Variants in ROBO1 observed in about 807,000 individuals in gnomAD.
ROBO1 encodes roundabout homolog 1.
ROBO1 carries 149 observed loss-of-function variants against 195.9 expected under a neutral mutation model. The ratio of observed to expected loss-of-function variants is 0.76; its 90% CI spans 0.67 to 0.87. The LOEUF is 0.87. Ranked by LOEUF, ROBO1 falls within the 40% of genes least tolerant of loss-of-function variation. The probability of loss-of-function intolerance (pLI) is 0.00; values close to 1 mark genes in which losing one functional copy is unlikely to be tolerated. For missense variants in ROBO1, 1,933 were observed against 2,068.3 expected (o/e 0.93, Z 1.27); for synonymous variants, 816 against 733.2 (o/e 1.11, Z -1.82).
chr3:78,617,578 C>A, intron 27 of ROBO1, 57 bp downstream of exon 27: 2 of 1,500,114 alleles, frequency 1.3e-6, no homozygotes, highest in Non-Finnish European at 1.8e-6. Flanking sequence ...GAATCAGCAA[C>A]AAACATATAT....
At chr3:79,002,230 G>T (rs973463555) in intron 3 of ROBO1, among the ~76,000 whole-genome samples, 2 of 152,092 alleles carry the variant, frequency 1.3e-5, no homozygotes, top group African/African-American at 2.4e-5. Context: ...TATGAAGGGG[G>T]ATATGTCACA....
At chr3:78,937,264 A>G (rs2039864018) in intron 4 of ROBO1, among the ~76,000 whole-genome samples, 1 of 151,954 alleles carries the variant, frequency 6.6e-6, no homozygotes, top group African/African-American at 2.4e-5. Context: ...TTATAATTTT[A>G]TAATTATATC....
At chr3:78,884,703 GGAAA>G (rs1403801610) in intron 4 of ROBO1, among the ~76,000 whole-genome samples, 32 of 112,076 alleles carry the variant, frequency 2.9e-4, no homozygotes, top group Admixed American at 6.9e-4. Flanking sequence ...AAGGAAGGAA[GGAAA>G]GAAAGAAGGA....
chr3:79,540,341 TA>T (rs747342919), intron 2 of ROBO1, among the ~76,000 whole-genome samples: 33 of 152,110 alleles, frequency 2.2e-4, no homozygotes, highest in Non-Finnish European at 3.5e-4. Context: ...GTTCAGTTGA[TA>T]AAATCCCCTG....
intron 2 of ROBO1, among the ~76,000 whole-genome samples, chr3:79,274,561 A>T (rs2030860414): frequency 6.6e-6 from 1 of 152,026 alleles, no homozygotes; most frequent in African/African-American, 2.4e-5. Context: ...AGAAACTTCA[A>T]ATAAACCATC....
rs186598538 is a variant in ROBO1, at chr3:79,668,676, A to G, written c.-50-78715T>C. 5.7e-4 allele frequency among the ~76,000 whole-genome samples: 87 copies of G among 151,952 alleles called. 2 individuals are homozygous for G. In the South Asian group the frequency reaches 0.017, roughly 30 times the overall value. ...AAATCTAAGCAATTTACACACACAC[A>G]CACGCATTATACATGTATATATAGA... is the stretch of plus-strand genomic sequence containing the variant. On this transcript the variant is annotated intron_variant, in intron 1 of 30. Coordinates refer to ENST00000464233, the MANE Select transcript of ROBO1 (RefSeq NM_002941.4).
At chr3:79,620,597 C>CT (rs1944975987) in intron 1 of ROBO1, among the ~76,000 whole-genome samples, 1 of 152,068 alleles carries the variant, frequency 6.6e-6, no homozygotes, top group South Asian at 2.1e-4. Context: ...AAATTATCTG[C>CT]TTCCCAGACT....
intron 2 of ROBO1, among the ~76,000 whole-genome samples, chr3:79,460,114 T>A (rs2039756736): frequency 6.6e-6 from 1 of 152,144 alleles, no homozygotes; most frequent in Non-Finnish European, 1.5e-5. Context: ...TCTTACCTCA[T>A]AAAACAATAT....
chr3:79,125,016 C>T (rs993146821), intron 3 of ROBO1, among the ~76,000 whole-genome samples: 3 of 151,748 alleles, frequency 2.0e-5, no homozygotes, highest in African/African-American at 4.8e-5. Flanking sequence ...TGAATTACAT[C>T]GCTCTAAGAG....
chr3:78,707,696 A>C (rs1278851656), intron 8 of ROBO1, among the ~76,000 whole-genome samples: 1 of 152,176 alleles, frequency 6.6e-6, no homozygotes. Context: ...TGGTTTGGCA[A>C]TGTTTAGCAC....
chr3:79,555,092 A>G (rs1299142235), intron 2 of ROBO1, among the ~76,000 whole-genome samples: 1 of 152,086 alleles, frequency 6.6e-6, no homozygotes, highest in Non-Finnish European at 1.5e-5. Context: ...GTCTCCAAAG[A>G]CTTTTAGTCA....
intron 5 of ROBO1, among the ~76,000 whole-genome samples, chr3:78,744,664 C>T (rs931184934): frequency 2.6e-5 from 4 of 152,078 alleles, no homozygotes; most frequent in African/African-American, 7.2e-5. Context: ...GCCTAGAATA[C>T]CCTTTTTCCA....
intron 27 of ROBO1, among the ~76,000 whole-genome samples, chr3:78,616,847 T>C (rs1200786947): frequency 6.6e-6 from 1 of 152,168 alleles, no homozygotes; most frequent in Non-Finnish European, 1.5e-5. Context: ...TTTTCTTTCT[T>C]GAACTATTTA....
At chr3:79,358,327 G>A (rs929890235) in intron 2 of ROBO1, among the ~76,000 whole-genome samples, 3 of 152,064 alleles carry the variant, frequency 2.0e-5, no homozygotes, top group East Asian at 1.9e-4. Flanking sequence ...TCAGGTTTAA[G>A]TGTTAAGTCA....
At chr3:78,644,230 C>A (rs1236934349) in intron 21 of ROBO1, among the ~76,000 whole-genome samples, 1 of 151,962 alleles carries the variant, frequency 6.6e-6, no homozygotes, top group East Asian at 1.9e-4. Flanking sequence ...TTATTTTTTC[C>A]GTAGCATTTA....
intron 9 of ROBO1, among the ~76,000 whole-genome samples, chr3:78,686,391 C>A (rs1481820302): frequency 6.6e-6 from 1 of 151,674 alleles, no homozygotes; most frequent in Admixed American, 6.6e-5. Flanking sequence ...CCTGTCTCTA[C>A]TAAAAATACA....
At chr3:79,589,177 A>G (rs1943919614) in intron 2 of ROBO1, among the ~76,000 whole-genome samples, 1 of 151,688 alleles carries the variant, frequency 6.6e-6, no homozygotes, top group Admixed American at 6.6e-5. Context: ...TCATTAGTAC[A>G]TCAATATATT....
chr3:78,715,478 C>G (rs2081879316), intron 7 of ROBO1, among the ~76,000 whole-genome samples: 1 of 152,176 alleles, frequency 6.6e-6, no homozygotes, highest in South Asian at 2.1e-4. Flanking sequence ...GTCCCTGCCA[C>G]TAGCCTCTCC....
At chr3:78,878,508 T>A (rs939126575) in intron 4 of ROBO1, among the ~76,000 whole-genome samples, 1 of 129,956 alleles carries the variant, frequency 7.7e-6, no homozygotes, top group African/African-American at 3.0e-5. Context: ...TCGCTTGAAC[T>A]GGGGGACAGA....
Sources: allele counts gnomAD v4.1 joint callset (sites outside exome capture counted in the v4.1 genomes callset), GRCh38; gene constraint gnomAD v4.1.1; transcripts MANE v1.5; gene names NCBI Gene and HGNC (gene_info 2026-07-23, HGNC 2026-07-21).